Variants in CRYBG1 observed in about 807,000 individuals in gnomAD.
The protein encoded by CRYBG1 is crystallin beta-gamma domain containing 1.
Under a neutral mutation model 189.2 loss-of-function variants are expected in CRYBG1, and 139 were observed. That is an observed-to-expected ratio of 0.73 (90% CI 0.64 to 0.85). The LOEUF (loss-of-function observed/expected upper bound fraction) is 0.85, where lower values mean the gene tolerates loss of function less well. Among genes scored for constraint, CRYBG1 ranks in the 40% least tolerant of loss-of-function variants. The probability of loss-of-function intolerance (pLI) is 0.00; values close to 1 mark genes in which losing one functional copy is unlikely to be tolerated. For missense variants in CRYBG1, 2,611 were observed against 2,675.8 expected, an observed-to-expected ratio of 0.98 and a Z score of 0.53; for synonymous variants, 1,023 against 1,017.1, an observed-to-expected ratio of 1.01 and a Z score of -0.11.
intron 1 of CRYBG1, among the ~76,000 whole-genome samples, chr6:106,416,851 A>C (rs1457654412): frequency 6.6e-6 from 1 of 152,102 alleles, no homozygotes; most frequent in Non-Finnish European, 1.5e-5. Context: ...TGGTTGAAAA[A>C]CATATGGGAA....
intron 4 of CRYBG1, among the ~76,000 whole-genome samples, chr6:106,521,674 A>G (rs973045813): frequency 2.7e-5 from 4 of 147,768 alleles, no homozygotes; most frequent in Admixed American, 2.0e-4. Context: ...GTAGTCTTGC[A>G]GGGAGATAAA....
chr6:106,482,566 G>C (rs550317927), intron 2 of CRYBG1, among the ~76,000 whole-genome samples: 8 of 152,080 alleles, frequency 5.3e-5, no homozygotes, highest in Non-Finnish European at 1.2e-4. Context: ...ACAAGGTCAG[G>C]AGATCGAGAC....
chr6:106,465,235 A>G (rs1772089033), intron 2 of CRYBG1, among the ~76,000 whole-genome samples: 1 of 152,184 alleles, frequency 6.6e-6, no homozygotes, highest in Non-Finnish European at 1.5e-5. Flanking sequence ...ATTGACACCT[A>G]TTACAGTGCC....
At chr6:106,552,083 G>A (rs1045271397) in intron 14 of CRYBG1, 101 bp from the exon 15 acceptor site, 41 of 1,450,384 alleles carry the variant, frequency 2.8e-5, no homozygotes, top group African/African-American at 4.3e-5. Context: ...AATATTCTGA[G>A]TTTATTTTTA....
At chr6:106,551,481 A>C (rs1774402832) in intron 13 of CRYBG1, among the ~76,000 whole-genome samples, 1 of 152,224 alleles carries the variant, frequency 6.6e-6, no homozygotes, top group African/African-American at 2.4e-5. Context: ...TAAACAAGAC[A>C]CGTGCAAGTA....
Position 106,544,542 on chromosome 6 carries a change from G to A in CRYBG1, c.5040-29G>A, listed in dbSNP as rs548718360. The A allele has an allele frequency of 1.9e-6, 3 of 1,605,974 alleles. No individual in the cohort carries two copies. In the African/African-American group the frequency reaches 4.0e-5, roughly 22 times the overall value. Reference sequence around the variant, plus strand: ...AAAAAATGTTAACATGTCTGGAAATGACTACTCCTCGTGTTCTTTATGTTG... The same window carrying A: ...AAAAAATGTTAACATGTCTGGAAATAACTACTCCTCGTGTTCTTTATGTTG... On this transcript the variant is annotated intron_variant, in intron 11 of 21. Transcript: ENST00000633556.
At chr6:106,440,243 C>CCT (rs34075891) in intron 1 of CRYBG1, among the ~76,000 whole-genome samples, 2,102 of 147,566 alleles carry the variant, frequency 0.014, 21 homozygotes, top group Middle Eastern at 0.038. Context: ...TTCCTTTCTT[C>CCT]CTCTCTCTCT....
chr6:106,551,580 G>C (rs556687872), intron 13 of CRYBG1, among the ~76,000 whole-genome samples: 1 of 152,186 alleles, frequency 6.6e-6, no homozygotes, highest in African/African-American at 2.4e-5. Flanking sequence ...TTAGTTCTTT[G>C]AGAAATCTTC....
At chr6:106,488,869 G>T (rs761769023) in intron 2 of CRYBG1, among the ~76,000 whole-genome samples, 6 of 152,176 alleles carry the variant, frequency 3.9e-5, no homozygotes, top group Non-Finnish European at 7.3e-5. Flanking sequence ...TGGATTGGTG[G>T]AAGGCAGTGT....
chr6:106,530,532 TG>T (rs3214892), intron 8 of CRYBG1, among the ~76,000 whole-genome samples: 36,527 of 151,494 alleles, frequency 0.24, 4,577 homozygotes, highest in South Asian at 0.35. Flanking sequence ...TTATAGGAAA[TG>T]GGGGGGGATT....
chr6:106,498,337 G>A (rs17067117), intron 2 of CRYBG1, among the ~76,000 whole-genome samples: 13,100 of 152,088 alleles, frequency 0.086, 614 homozygotes, highest in African/African-American at 0.11. Context: ...GCTGCCACCC[G>A]TTAAGTCTCC....
At chr6:106,477,090 G>A (rs1026748721) in intron 2 of CRYBG1, among the ~76,000 whole-genome samples, 1 of 152,178 alleles carries the variant, frequency 6.6e-6, no homozygotes, top group Non-Finnish European at 1.5e-5. Context: ...AGAGCTGTAG[G>A]CATAATTATG....
In CRYBG1 at chr6:106,474,710, G is replaced by A. The variant is rs575966458; in HGVS notation, c.312+22878G>A. ...TGTGCAGGGAATGTGTCCAGAGCTT[G>A]GATGTGCAAGCTGAGTTGTCCATGG... On this transcript the variant is annotated intron_variant, in intron 2 of 21. Coordinates refer to ENST00000633556, the MANE Select transcript of CRYBG1 (RefSeq NM_001371242.2). Among the ~76,000 whole-genome samples the A allele has an allele frequency of 4.6e-5, 7 of 152,230 alleles. No individual in the cohort carries two copies. In the South Asian group the frequency reaches 1.4e-3, roughly 32 times the overall value.
chr6:106,396,830 T>C (rs1770623209), intron 1 of CRYBG1, among the ~76,000 whole-genome samples: 1 of 152,174 alleles, frequency 6.6e-6, no homozygotes, highest in East Asian at 1.9e-4. Context: ...TATAGGTGCA[T>C]ACCATCACAC....
intron 20 of CRYBG1, among the ~76,000 whole-genome samples, chr6:106,563,134 C>T (rs371396069): frequency 6.6e-6 from 1 of 152,304 alleles, no homozygotes; most frequent in African/African-American, 2.4e-5. Flanking sequence ...GACTGCCATA[C>T]ATTATTTATA....
At chr6:106,532,984 A>T (rs1033690340) in intron 8 of CRYBG1, among the ~76,000 whole-genome samples, 2 of 152,314 alleles carry the variant, frequency 1.3e-5, no homozygotes, top group Admixed American at 6.5e-5. Context: ...AGTCACTGGG[A>T]ATACAGCAGT....
intron 2 of CRYBG1, chr6:106,457,158 C>T (rs1176849733): frequency 6.6e-6 from 1 of 152,222 alleles, no homozygotes; most frequent in Non-Finnish European, 1.5e-5. Context: ...TCTTACAATT[C>T]TGGAGGCTAC....
chr6:106,566,261 A>G (rs566587109), intron 21 of CRYBG1, among the ~76,000 whole-genome samples: 1 of 151,680 alleles, frequency 6.6e-6, no homozygotes, highest in South Asian at 2.1e-4. Context: ...TTACATTAGC[A>G]GCGGACCAGA....
chr6:106,543,902 A>G (rs1483784238), intron 11 of CRYBG1, among the ~76,000 whole-genome samples: 3 of 152,198 alleles, frequency 2.0e-5, no homozygotes, highest in Non-Finnish European at 4.4e-5. Flanking sequence ...AAAATACAAA[A>G]TTAGCTGAGC....
Sources: allele counts gnomAD v4.1 joint callset (sites outside exome capture counted in the v4.1 genomes callset), GRCh38; gene constraint gnomAD v4.1.1; transcripts MANE v1.5; gene names NCBI Gene and HGNC (gene_info 2026-07-23, HGNC 2026-07-21).